Variants in NUP35 observed in about 807,000 individuals in gnomAD.
NUP35 encodes the protein nucleoporin 35.
NUP35 carries 25 observed loss-of-function variants against 41.5 expected under a neutral mutation model. That is an observed-to-expected ratio of 0.60 (90% CI 0.44 to 0.84). The LOEUF (loss-of-function observed/expected upper bound fraction) is 0.84, where lower values mean the gene tolerates loss of function less well. Among genes scored for constraint, NUP35 ranks in the 40% least tolerant of loss-of-function variants. The probability of loss-of-function intolerance (pLI) is 0.00; values close to 1 mark genes in which losing one functional copy is unlikely to be tolerated. For missense variants in NUP35, 396 were observed against 396.6 expected, an observed-to-expected ratio of 1.00 and a Z score of 0.01; for synonymous variants, 149 against 130.7, an observed-to-expected ratio of 1.14 and a Z score of -0.96.
In NUP35 at chr2:183,127,449, G is replaced by GA. The variant is rs1440153768; in HGVS notation, c.41-832dup. ...ATTCTTGACTTAAACTAATGATTAA[G>GA]AAAAAAGATACAAAAATAAGTTTTC... On this transcript the variant is annotated intron_variant, in intron 1 of 8. Coordinates refer to ENST00000295119, the MANE Select transcript of NUP35 (RefSeq NM_138285.5). 2.6e-5 allele frequency among the ~76,000 whole-genome samples: 4 copies of GA among 152,088 alleles called. No individual in the cohort carries two copies. The East Asian group carries it at 7.7e-4, about 29-fold the overall frequency.
At chr2:183,145,717 C>G (rs1158650888) in intron 4 of NUP35, among the ~76,000 whole-genome samples, 1 of 152,118 alleles carries the variant, frequency 6.6e-6, no homozygotes, top group Non-Finnish European at 1.5e-5. Context: ...TAGACAAGAA[C>G]TTTAAAAAGT....
Position 183,127,146 on chromosome 2 carries a change from A to G in NUP35, c.41-1141A>G. On this transcript the variant is annotated intron_variant, in intron 1 of 8. Transcript: ENST00000295119. ...TATTTTGCTCTGAAATTAGAATTATATAGCTCACTCATCTTCATAAGGGAA... is the reference window on the plus strand; with the variant it reads ...TATTTTGCTCTGAAATTAGAATTATGTAGCTCACTCATCTTCATAAGGGAA... Among the ~76,000 whole-genome samples the G allele has an allele frequency of 1.3e-5, 2 of 152,204 alleles. 1 individual carries two copies. The highest frequency in any genetic ancestry group is 2.9e-5 in the Non-Finnish European group (2 of 68,040).
rs183519395 is a variant in NUP35 at position 183,161,238 on chromosome 2, A to T, written c.*107A>T. 15 of 676,704 alleles carry T rather than the reference A, an allele frequency of 2.2e-5. No individual in the cohort carries two copies. Among genetic ancestry groups the T allele is most frequent in the Non-Finnish European group, 7.4e-6 (3 of 404,224 alleles). The allele number at this position is 676,704 out of a possible 1,614,324, so 41.9% of individuals were successfully genotyped here. The stretch of plus-strand genomic sequence containing the variant: ...TCCTGCAGTATTGGATAGCTATCTC[A>T]TACTTCTTTTAGAAAGAAGCCTTTT... On this transcript the variant is annotated 3_prime_UTR_variant, in exon 9 of 9. Transcript: ENST00000295119.
chr2:183,150,098 G>C (rs1348213251), intron 4 of NUP35, among the ~76,000 whole-genome samples: 5 of 151,948 alleles, frequency 3.3e-5, no homozygotes, highest in South Asian at 4.2e-4. Flanking sequence ...GTAGAGATGG[G>C]GTTTCACCAT....
At chr2:183,126,438 AAC>A (rs1257284446) in intron 1 of NUP35, among the ~76,000 whole-genome samples, 5 of 152,212 alleles carry the variant, frequency 3.3e-5, no homozygotes, top group South Asian at 4.1e-4. Context: ...TGTTACCAAA[AAC>A]TTTGCGTTTA....
At chr2:183,146,558 G>A (rs1002483060) in intron 4 of NUP35, among the ~76,000 whole-genome samples, 7 of 151,730 alleles carry the variant, frequency 4.6e-5, no homozygotes, top group African/African-American at 1.7e-4. Context: ...GCATATAAGG[G>A]TTCCCTCTGC....
chr2:183,153,335 A>C (rs1252389664), intron 5 of NUP35, among the ~76,000 whole-genome samples: 1 of 152,184 alleles, frequency 6.6e-6, no homozygotes, highest in Non-Finnish European at 1.5e-5. Context: ...TTATTTCAGC[A>C]TTAACCCAAA....
At chr2:183,122,977 T>A (rs979732913), upstream of NUP35, among the ~76,000 whole-genome samples, 5 of 152,218 alleles carry the variant, frequency 3.3e-5, no homozygotes, top group Non-Finnish European at 4.4e-5. Flanking sequence ...TATCCTGGAT[T>A]ACCTGGGTGG....
At chr2:183,135,996 T>C (rs1684862956) in intron 4 of NUP35, among the ~76,000 whole-genome samples, 1 of 152,206 alleles carries the variant, frequency 6.6e-6, no homozygotes, top group South Asian at 2.1e-4. Flanking sequence ...GAACACCCAA[T>C]ACAAATTGGA....
intron 2 of NUP35, among the ~76,000 whole-genome samples, chr2:183,129,447 G>A (rs1575113872): frequency 6.6e-6 from 1 of 152,240 alleles, no homozygotes; most frequent in African/African-American, 2.4e-5. Context: ...GCCCTTTAAA[G>A]TATTTTTGCT....
Position 183,157,462 on chromosome 2 carries a change from T to C in NUP35, c.558T>C (p.Ala186=). 6.2e-7 allele frequency: 1 copy of C among 1,612,784 alleles called. No individual in the cohort carries two copies. Among genetic ancestry groups the C allele is most frequent in the Non-Finnish European group, 8.5e-7 (1 of 1,178,904 alleles). The change falls in exon 6 of 9, where the codon GCT becomes GCC. Residue 186 remains alanine (A), a synonymous_variant. Transcript: ENST00000295119. ...VTVFGFPQAS[A]SYILLQFAQY... is the part of the protein sequence containing the mutation. The stretch of plus-strand genomic sequence containing the variant: ...TTTTCAGGTTTCCTCAAGCATCTGC[T>C]TCCTACATATTACTACAATTTGCAC...
intron 5 of NUP35, among the ~76,000 whole-genome samples, chr2:183,155,990 A>G (rs1685651819): frequency 6.6e-6 from 1 of 152,180 alleles, no homozygotes; most frequent in Admixed American, 6.5e-5. Flanking sequence ...TTTATGGGGA[A>G]GTACCTCTAA....
intron 5 of NUP35, among the ~76,000 whole-genome samples, chr2:183,154,839 A>AG (rs1278230690): frequency 5.3e-5 from 8 of 152,190 alleles, no homozygotes; most frequent in African/African-American, 1.9e-4. Context: ...CTGCTGATAA[A>AG]GACATACCTG....
At chr2:183,123,835 A>G (rs2105529125), upstream of NUP35, 3 of 985,084 alleles carry the variant, frequency 3.0e-6, no homozygotes, top group African/African-American at 1.7e-5. Flanking sequence ...GGGTGCGTAT[A>G]ATTATCTTCC....
chr2:183,145,086 AG>A (rs2105586996), intron 4 of NUP35, among the ~76,000 whole-genome samples: 1 of 152,306 alleles, frequency 6.6e-6, no homozygotes, highest in South Asian at 2.1e-4. Flanking sequence ...TACTGTCTTC[AG>A]TTTGTTAATG....
In NUP35 at chr2:183,128,418, T is replaced by G. The variant is rs1219070145; in HGVS notation, c.172T>G (p.Ser58Ala). Residue 58 changes from serine to alanine, a missense_variant, in exon 2 of 9, where the codon TCA (serine) becomes GCA (alanine). By Grantham distance (99) the Ser-to-Ala change is moderately conservative. Transcript: ENST00000295119. ...ACAACCTCGATCAATTAGTGGCCCTTCAGTAGGAGTAATGGAAATGAGATC... is the reference window on the plus strand; with the variant it reads ...ACAACCTCGATCAATTAGTGGCCCTGCAGTAGGAGTAATGGAAATGAGATC... ...TPQPRSISGPSVGVMEMRSPL... is the reference protein window; with the variant it reads ...TPQPRSISGPAVGVMEMRSPL... 1 of 1,613,824 alleles carries G rather than the reference T, an allele frequency of 6.2e-7. No individual in the cohort carries two copies. The highest frequency in any genetic ancestry group is 8.5e-7 in the Non-Finnish European group (1 of 1,179,910).
chr2:183,134,952 A>G (rs1392258410), intron 4 of NUP35, among the ~76,000 whole-genome samples: 2 of 151,778 alleles, frequency 1.3e-5, no homozygotes, highest in Non-Finnish European at 2.9e-5. Flanking sequence ...TGCCTTTTCC[A>G]TTTCTAGAGG....
intron 5 of NUP35, 97 bp downstream of exon 5, chr2:183,151,746 C>A: frequency 8.7e-7 from 1 of 1,144,042 alleles, no homozygotes; most frequent in Non-Finnish European, 1.2e-6. Context: ...AAGTGCATAG[C>A]AAACACCCAT....
intron 2 of NUP35, among the ~76,000 whole-genome samples, chr2:183,129,876 T>C (rs765930843): frequency 2.6e-5 from 4 of 152,244 alleles, no homozygotes; most frequent in Non-Finnish European, 5.9e-5. Flanking sequence ...GACATCTTTA[T>C]GTCACAGAAC....
Sources: allele counts gnomAD v4.1 joint callset (sites outside exome capture counted in the v4.1 genomes callset), GRCh38; gene constraint gnomAD v4.1.1; transcripts MANE v1.5; gene names NCBI Gene and HGNC (gene_info 2026-07-23, HGNC 2026-07-21).